Variants in PPP4R3A observed in about 807,000 individuals in gnomAD.
PPP4R3A encodes serine/threonine-protein phosphatase 4 regulatory subunit 3A.
PPP4R3A carries 15 observed loss-of-function variants against 91.7 expected under a neutral mutation model. That is an observed-to-expected ratio of 0.16 (90% CI 0.11 to 0.25). The LOEUF (loss-of-function observed/expected upper bound fraction) is 0.25, where lower values mean the gene tolerates loss of function less well. Among genes scored for constraint, PPP4R3A ranks in the 10% least tolerant of loss-of-function variants. PPP4R3A has a pLI of 1.00. For missense variants in PPP4R3A, 623 were observed against 998.4 expected, an observed-to-expected ratio of 0.62 and a Z score of 5.07; for synonymous variants, 377 against 348.7, an observed-to-expected ratio of 1.08 and a Z score of -0.91.
chr14:91,483,836 G>A (rs987731398), intron 3 of PPP4R3A, among the ~76,000 whole-genome samples: 3 of 152,128 alleles, frequency 2.0e-5, no homozygotes, highest in African/African-American at 7.2e-5. Context: ...TTAAGATGAT[G>A]AAAAACTTTA....
At position 91,467,670 on chromosome 14, in the gene PPP4R3A, G is replaced by A. The variant is rs559842068; in HGVS notation, c.1661-2251C>T. ...GATCCAAGGAACTTAATAAGGCCAAGGAAATTGATAGATGTGATATCTAGC... is the reference window on the plus strand; with the variant it reads ...GATCCAAGGAACTTAATAAGGCCAAAGAAATTGATAGATGTGATATCTAGC... On this transcript the variant is annotated intron_variant, in intron 10 of 14. Transcript: ENST00000554943. 9.2e-5 allele frequency among the ~76,000 whole-genome samples: 14 copies of A among 152,240 alleles called. No individual in the cohort carries two copies. The South Asian group carries it at 2.1e-3, about 23-fold the overall frequency.
chr14:91,479,431 GATC>G (rs1407361792), intron 4 of PPP4R3A, among the ~76,000 whole-genome samples: 1 of 151,172 alleles, frequency 6.6e-6, no homozygotes, highest in East Asian at 1.9e-4. Flanking sequence ...GCGGTGGCAT[GATC>G]ATTGCTCACT....
chr14:91,475,944 C>T lies in PPP4R3A; in HGVS notation c.1133G>A (p.Arg378Gln), dbSNP rs140684085. ...TGAGAATATATCAGTAGCAGCACTT[C>T]GCACCTGTGTATCATCCATGCCCTG... ...VILGMDDTQV[R>Q]SAATDIFSYL... Residue 378 changes from arginine (R) to glutamine (Q), a missense_variant, in exon 7 of 15, where the codon CGA becomes CAA. By Grantham distance (43) the Arg-to-Gln change is conservative (BLOSUM62 1). This residue lies in a region of PPP4R3A where 264 missense variants were observed against 377.3 expected (regional missense o/e 0.70). Transcript: ENST00000554943. 310 of 1,598,702 alleles carry T rather than the reference C, an allele frequency of 1.9e-4. No individual in the cohort carries two copies. Among genetic ancestry groups the T allele is most frequent in the Non-Finnish European group, 2.4e-4 (288 of 1,175,788 alleles).
intron 11 of PPP4R3A, among the ~76,000 whole-genome samples, chr14:91,464,507 C>T (rs190245785): frequency 2.0e-5 from 3 of 152,242 alleles, no homozygotes; most frequent in Admixed American, 6.5e-5. Flanking sequence ...TATGCACCTC[C>T]AGTCTCAATT....
At chr14:91,471,589 T>G (rs1247823514) in intron 9 of PPP4R3A, among the ~76,000 whole-genome samples, 1 of 152,222 alleles carries the variant, frequency 6.6e-6, no homozygotes, top group African/African-American at 2.4e-5. Context: ...CACAATGAGT[T>G]CTCATCTTAA....
chr14:91,487,249 C>CAAAAA (rs35970764), intron 2 of PPP4R3A, among the ~76,000 whole-genome samples: 1 of 80,238 alleles, frequency 1.2e-5, no homozygotes, highest in Admixed American at 1.6e-4. Flanking sequence ...GAGTCCGTCT[C>CAAAAA]AAAAAAAAAA....
intron 2 of PPP4R3A, among the ~76,000 whole-genome samples, chr14:91,488,215 A>ACC: frequency 6.6e-6 from 1 of 151,984 alleles, no homozygotes; most frequent in Non-Finnish European, 1.5e-5. Context: ...AAAAAAAAAA[A>ACC]AAATGAAAAA....
At chr14:91,493,140 G>A (rs1211121458) in intron 1 of PPP4R3A, among the ~76,000 whole-genome samples, 2 of 152,132 alleles carry the variant, frequency 1.3e-5, no homozygotes, top group South Asian at 2.1e-4. Context: ...TGTAATCCCA[G>A]CATTTTGGAA....
At chr14:91,490,898 T>TA in intron 1 of PPP4R3A, 96 bp from the exon 2 acceptor site, 1 of 452,666 alleles carries the variant, frequency 2.2e-6, no homozygotes, top group Non-Finnish European at 3.4e-6. Flanking sequence ...AAAATAATAA[T>TA]AATTTTTTTT....
intron 10 of PPP4R3A, among the ~76,000 whole-genome samples, chr14:91,470,544 G>C (rs1888771173): frequency 1.3e-5 from 2 of 152,260 alleles, no homozygotes; most frequent in Middle Eastern, 3.4e-3. Flanking sequence ...TCTGGCCTCA[G>C]CTGTAGTCTG....
rs1292115993 is a variant in PPP4R3A at position 91,481,890 on chromosome 14, G to T, written c.601C>A (p.Leu201Ile). The change falls in exon 4 of 15, where the codon CTC becomes ATC. Residue 201 changes from leucine to isoleucine, a missense_variant. Physicochemically the swap from Leu to Ile is conservative, Grantham distance 5 (BLOSUM62 2). Around this residue, in one of 5 missense-constraint regions of PPP4R3A, gnomAD observed 264 missense variants for 377.3 expected, o/e 0.70. Transcript: ENST00000554943. Reference protein sequence around the residue: ...HLYEIIKGIFLLNRTALFEVM... With the variant: ...HLYEIIKGIFILNRTALFEVM... ...TCAAAAAGAGCAGTTCGATTCAAGA[G>T]AAAGATGCCTTTGATAATTTCATAC... The T allele has an allele frequency of 1.2e-6, 2 of 1,614,106 alleles. No homozygotes were observed. The highest frequency in any genetic ancestry group is 8.5e-7 in the Non-Finnish European group (1 of 1,180,034).
At position 91,509,843 on chromosome 14, in the gene PPP4R3A, T is replaced by C; in HGVS notation, c.-196A>G. ...GGACCGAGCTCTGGGCCGCCGCCTT[T>C]CCTCGCCTCCGGCTCCCCGGCGCTA... On this transcript the variant is annotated 5_prime_UTR_variant, in exon 1 of 15. Coordinates refer to ENST00000554943, the MANE Select transcript of PPP4R3A (RefSeq NM_001366432.2). The C allele has an allele frequency of 8.6e-7, 1 of 1,160,708 alleles. No homozygotes were observed. 71.9% of individuals were successfully genotyped at this position (1,160,708 alleles called of 1,614,324 possible).
Position 91,506,084 on chromosome 14 carries a change from T to C in PPP4R3A, c.142+3422A>G, listed in dbSNP as rs139109577. Among the ~76,000 whole-genome samples the C allele has an allele frequency of 7.5e-3, 1,148 of 152,240 alleles. 20 individuals carry two copies. Among genetic ancestry groups the C allele is most frequent in the African/African-American group, 0.027 (1,102 of 41,538 alleles). Reference sequence around the variant, plus strand: ...CCTCAGCCTCCTGAGCAGCTGGGACTACAGGCGCCCGCCACCACACCTGGC... The same window carrying C: ...CCTCAGCCTCCTGAGCAGCTGGGACCACAGGCGCCCGCCACCACACCTGGC... On this transcript the variant is annotated intron_variant, in intron 1 of 14. Transcript: ENST00000554943.
At chr14:91,497,878 A>G (rs1890678062) in intron 1 of PPP4R3A, among the ~76,000 whole-genome samples, 1 of 152,332 alleles carries the variant, frequency 6.6e-6, no homozygotes, top group Admixed American at 6.5e-5. Context: ...TGAGGACACT[A>G]TGGGGCCTGC....
Position 91,472,968 on chromosome 14 carries a change from T to C in PPP4R3A, c.1501+65A>G. 6.0e-6 allele frequency: 9 copies of C among 1,492,776 alleles called. No individual in the cohort carries two copies. In the South Asian group the frequency reaches 9.5e-5, roughly 16 times the overall value. The allele number at this position is 1,492,776 out of a possible 1,614,324, so 92.5% of individuals were successfully genotyped here. Reference sequence around the variant, plus strand: ...TAACTGCCTCCTAAAAAGACTGACTTAACACCAACTTTGAATTCAGCATTC... The same window carrying C: ...TAACTGCCTCCTAAAAAGACTGACTCAACACCAACTTTGAATTCAGCATTC... On this transcript the variant is annotated intron_variant, in intron 9 of 14. Coordinates refer to ENST00000554943, the MANE Select transcript of PPP4R3A (RefSeq NM_001366432.2).
chr14:91,476,403 C>A lies in PPP4R3A; in HGVS notation c.1110+5G>T. ...TAATTAAAAATGAGGAGACACAAAA[C>A]TTACAAGGATGACTTCTAAAGCTGG... On this transcript the variant is annotated splice_donor_5th_base_variant and intron_variant, in intron 6 of 14. Coordinates refer to ENST00000554943, the MANE Select transcript of PPP4R3A (RefSeq NM_001366432.2). The A allele has an allele frequency of 6.3e-7, 1 of 1,575,950 alleles. No homozygotes were observed. The highest frequency in any genetic ancestry group is 1.7e-4 in the Middle Eastern group (1 of 5,862).
chr14:91,509,437 G>C (rs1292396355), intron 1 of PPP4R3A, 69 bp downstream of exon 1: 1 of 1,529,410 alleles, frequency 6.5e-7, no homozygotes, highest in Non-Finnish European at 8.8e-7. Context: ...GCCATGCCCC[G>C]CAAGAACCAG....
At chr14:91,506,847 G>A (rs1021281359) in intron 1 of PPP4R3A, among the ~76,000 whole-genome samples, 1 of 152,206 alleles carries the variant, frequency 6.6e-6, no homozygotes, top group South Asian at 2.1e-4. Context: ...ACCGCACCCA[G>A]CCTAAGTCCA....
intron 10 of PPP4R3A, among the ~76,000 whole-genome samples, chr14:91,470,381 C>T (rs574182148): frequency 9.9e-5 from 15 of 152,238 alleles, no homozygotes; most frequent in African/African-American, 2.9e-4. Context: ...AGTCTACAAA[C>T]GTTTTCATAA....
Sources: gnomAD v4.1 joint callset for allele counts (sites outside exome capture counted in the v4.1 genomes callset) on GRCh38, gnomAD v4.1.1 for gene constraint, gnomAD v4.1.1 regional missense constraint, MANE v1.5 for transcripts, NCBI Gene and HGNC (gene_info 2026-07-23, HGNC 2026-07-21) for gene names.